Variants in KIF19 observed in about 807,000 individuals in gnomAD.
The protein encoded by KIF19 is kinesin-like protein KIF19.
In KIF19, 98 loss-of-function variants were observed where a neutral mutation model predicts 106.6. The ratio of observed to expected loss-of-function variants is 0.92; its 90% confidence interval spans 0.78 to 1.09. The LOEUF (loss-of-function observed/expected upper bound fraction) is 1.09, where lower values mean the gene tolerates loss of function less well. KIF19 is among the 50% of genes least tolerant of loss of function. KIF19 has a pLI of 0.00. For synonymous variants in KIF19, 516 were observed against 584.2 expected (o/e 0.88, Z 1.68); for missense variants, 1,373 against 1,414.3 (o/e 0.97, Z 0.47).
chr17:74,337,147 T>G (rs563428064), intron 2 of KIF19, among the ~76,000 whole-genome samples: 2 of 152,344 alleles, frequency 1.3e-5, no homozygotes, highest in East Asian at 3.9e-4. Flanking sequence ...GTGCCCACTC[T>G]TAAGCTGTCA....
chr17:74,330,435 A>G (rs543808148), intron 2 of KIF19, among the ~76,000 whole-genome samples: 10 of 152,334 alleles, frequency 6.6e-5, no homozygotes, highest in East Asian at 1.9e-4. Context: ...GAAATTCCCC[A>G]GGGCTGCTGG....
At chr17:74,347,664 T>G (rs2054574690) in intron 8 of KIF19, 113 bp from the exon 9 acceptor site, 3 of 1,286,902 alleles carry the variant, frequency 2.3e-6, no homozygotes, top group Non-Finnish European at 3.2e-6. Flanking sequence ...CCGGGTCCCT[T>G]AAGTGTAAAG....
At position 74,355,579 on chromosome 17, in the gene KIF19, A is replaced by G. The variant is rs766237714; in HGVS notation, c.*267A>G. On this transcript the variant is annotated 3_prime_UTR_variant, in exon 20 of 20. Coordinates refer to ENST00000389916, the MANE Select transcript of KIF19 (RefSeq NM_153209.4). ...CAGCCCTGGACAGAATGCTGTTGCC[A>G]AAACCTGCACAGCCCTGAGGCCAGC... 2.6e-6 allele frequency: 1 copy of G among 379,632 alleles called. No homozygotes were observed. The highest frequency in any genetic ancestry group is 4.6e-6 in the Non-Finnish European group (1 of 215,522). The allele number at this position is 379,632 out of a possible 1,614,324, so 23.5% of individuals were successfully genotyped here.
chr17:74,348,824 T>C, intron 9 of KIF19: 1 of 248,344 alleles, frequency 4.0e-6, no homozygotes, highest in East Asian at 1.3e-4. Context: ...GAGCACAGGT[T>C]CCAAAGGCAG....
At position 74,344,965 on chromosome 17, in the gene KIF19, G is replaced by C. The variant is rs763102021; in HGVS notation, c.777+10G>C. ...AGAGCGCGCCTCGCAGGTGAGGCTG[G>C]GACCTGGGCTGGGCAGAGGAGGGAG... On this transcript the variant is annotated intron_variant, in intron 7 of 19. Coordinates refer to ENST00000389916, the MANE Select transcript of KIF19 (RefSeq NM_153209.4). The C allele has an allele frequency of 1.2e-5, 19 of 1,592,212 alleles. No individual in the cohort carries two copies. In the South Asian group the frequency reaches 1.9e-4, roughly 16 times the overall value.
At chr17:74,352,179 G>C in intron 13 of KIF19, 40 bp from the exon 14 acceptor site, 2 of 1,589,596 alleles carry the variant, frequency 1.3e-6, no homozygotes, top group Non-Finnish European at 1.7e-6. Context: ...CCCGCGGGGG[G>C]GCCGCTGGCA....
chr17:74,338,403 G>T (rs750076353), intron 2 of KIF19, among the ~76,000 whole-genome samples: 2 of 148,768 alleles, frequency 1.3e-5, no homozygotes, highest in Non-Finnish European at 3.0e-5. Context: ...CTTCTGGCCA[G>T]CTGGCAGGGA....
intron 1 of KIF19, among the ~76,000 whole-genome samples, chr17:74,327,723 G>A (rs947431903): frequency 6.6e-5 from 10 of 152,234 alleles, no homozygotes; most frequent in Middle Eastern, 3.4e-3. Flanking sequence ...CGCCCACCTC[G>A]GCCTCCTAAA....
chr17:74,347,988 T>C, intron 9 of KIF19, 89 bp downstream of exon 9: 1 of 1,443,882 alleles, frequency 6.9e-7, no homozygotes, highest in Non-Finnish European at 9.3e-7. Flanking sequence ...CACTGCACTC[T>C]CTGGAACCAG....
intron 2 of KIF19, among the ~76,000 whole-genome samples, chr17:74,334,353 C>T (rs73362542): frequency 0.02 from 3,032 of 152,224 alleles, 55 homozygotes; most frequent in African/African-American, 0.046. Context: ...TCTGACTGTG[C>T]GCGTGTGGGA....
chr17:74,344,591 G>C lies in KIF19; in HGVS notation c.583-170G>C, dbSNP rs531391178. Among the ~76,000 whole-genome samples, 5 of 152,356 alleles carry C rather than the reference G, an allele frequency of 3.3e-5. No individual in the cohort carries two copies. The East Asian group carries it at 9.7e-4, about 29-fold the overall frequency. On this transcript the variant is annotated intron_variant, in intron 6 of 19. Transcript: ENST00000389916. Reference sequence around the variant, plus strand: ...TTACACAGAGACCCTGACCTCCAGAGAGCCGAGGCCCACGCCAGGCCTCTC... The same window carrying C: ...TTACACAGAGACCCTGACCTCCAGACAGCCGAGGCCCACGCCAGGCCTCTC...
At chr17:74,339,713 C>T (rs1399791413) in intron 2 of KIF19, among the ~76,000 whole-genome samples, 1 of 152,202 alleles carries the variant, frequency 6.6e-6, no homozygotes, top group Non-Finnish European at 1.5e-5. Context: ...TTTCCCCTGG[C>T]TATCACAAGC....
At position 74,354,498 on chromosome 17, in the gene KIF19, A is replaced by C. The variant is rs1336165692; in HGVS notation, c.2645A>C (p.Glu882Ala). ...QKKSLGKKRE[E>A]SLEAKRRKRR... The stretch of plus-strand genomic sequence containing the variant: ...AAAAGCCTGGGCAAGAAAAGGGAGG[A>C]GTCGCTGGAGGCAAAGAGAAGGAAG... The change falls in exon 18 of 20, where the codon GAG becomes GCG. Residue 882 changes from glutamate (E) to alanine (A), a missense_variant. Physicochemically the swap from Glu to Ala is moderately radical, Grantham distance 107. Coordinates refer to ENST00000389916, the MANE Select transcript of KIF19 (RefSeq NM_153209.4). The C allele has an allele frequency of 6.2e-7, 1 of 1,605,530 alleles. No individual in the cohort carries two copies. The highest frequency in any genetic ancestry group is 1.1e-5 in the South Asian group (1 of 89,624).
intron 2 of KIF19, among the ~76,000 whole-genome samples, chr17:74,338,051 C>T (rs1385769794): frequency 6.6e-6 from 1 of 152,226 alleles, no homozygotes; most frequent in East Asian, 1.9e-4. Context: ...ACCAAATGCC[C>T]AGGACGCTGT....
chr17:74,328,627 C>G (rs2053984566), intron 2 of KIF19, 122 bp downstream of exon 2: 1 of 747,020 alleles, frequency 1.3e-6, no homozygotes, highest in Non-Finnish European at 2.2e-6. Context: ...ACTCACTGAA[C>G]TCTTGGCTGT....
chr17:74,333,641 G>A (rs1336467817), intron 2 of KIF19, among the ~76,000 whole-genome samples: 1 of 152,186 alleles, frequency 6.6e-6, no homozygotes, highest in Non-Finnish European at 1.5e-5. Context: ...GATTACAGGT[G>A]TAATCTTTAT....
intron 2 of KIF19, among the ~76,000 whole-genome samples, chr17:74,340,555 G>GCGCGCGCGCACACACACACACACACA: frequency 6.7e-6 from 1 of 148,210 alleles, no homozygotes; most frequent in Admixed American, 6.7e-5. Flanking sequence ...ATGCGCGCGC[G>GCGCGCGCGCACACACACACACACACA]TACACACACA....
At chr17:74,336,030 A>G (rs1291457129) in intron 2 of KIF19, among the ~76,000 whole-genome samples, 4 of 152,192 alleles carry the variant, frequency 2.6e-5, no homozygotes, top group African/African-American at 9.7e-5. Context: ...ACATGGCAGC[A>G]GGGAAGGGTT....
chr17:74,349,425 G>A (rs538639432), intron 10 of KIF19, 76 bp downstream of exon 10: 1,544 of 1,424,102 alleles, frequency 1.1e-3, no homozygotes, highest in Non-Finnish European at 1.4e-3. Flanking sequence ...GCCATGTTGT[G>A]TTCAAATCCA....
Sources: gnomAD v4.1 joint callset for allele counts (sites outside exome capture counted in the v4.1 genomes callset) on GRCh38, gnomAD v4.1.1 for gene constraint, MANE v1.5 for transcripts, NCBI Gene and HGNC (gene_info 2026-07-23, HGNC 2026-07-21) for gene names.